MTA3: variants seen among roughly 807,000 people sequenced by gnomAD.
MTA3 encodes metastasis associated 1 family member 3, also known as metastasis-associated protein MTA3.
In MTA3, 34 loss-of-function variants were observed where a neutral mutation model predicts 83.5. The observed-to-expected ratio is 0.41, with a 90% CI of 0.31 to 0.54. The LOEUF is 0.54. Among genes scored for constraint, MTA3 ranks in the 20% least tolerant of loss-of-function variants. The pLI is 0.33. For missense variants in MTA3, 761 were observed against 726.4 expected, an observed-to-expected ratio of 1.05 and a Z score of -0.55; for synonymous variants, 303 against 252.7, an observed-to-expected ratio of 1.20 and a Z score of -1.89.
intron 8 of MTA3, among the ~76,000 whole-genome samples, chr2:42,675,080 A>G (rs1028902585): frequency 6.6e-6 from 1 of 151,890 alleles, no homozygotes; most frequent in Admixed American, 6.6e-5. Context: ...GAGCCAATGT[A>G]CCTGGCCAAC....
At chr2:42,591,444 T>C (rs1680979357) in intron 3 of MTA3, among the ~76,000 whole-genome samples, 1 of 152,170 alleles carries the variant, frequency 6.6e-6, no homozygotes, top group Non-Finnish European at 1.5e-5. Context: ...TAGGCAACAC[T>C]AAATTTATGG....
Position 42,659,804 on chromosome 2 carries a change from C to A in MTA3, c.644C>A (p.Ser215Tyr). 6.2e-7 allele frequency: 1 copy of A among 1,608,992 alleles called. No individual in the cohort carries two copies. The highest frequency in any genetic ancestry group is 1.1e-5 in the South Asian group (1 of 90,044). The change falls in exon 8 of 17, where the codon TCT (serine) becomes TAT (tyrosine). Residue 215 changes from serine (S) to tyrosine (Y), a missense_variant. Physicochemically the swap from Ser to Tyr is moderately radical, Grantham distance 144. Transcript: ENST00000405094. ...GCCAGAGCCCTGGATTGCAGCAGTT[C>A]TGTGAGGCAGCCTAGTTTGCATATG... Reference protein sequence around the residue: ...TFARALDCSSSVRQPSLHMSA... With the variant: ...TFARALDCSSYVRQPSLHMSA...
At chr2:42,548,372 A>G (rs1676857650) in intron 2 of MTA3, among the ~76,000 whole-genome samples, 1 of 151,974 alleles carries the variant, frequency 6.6e-6, no homozygotes, top group African/African-American at 2.4e-5. Context: ...AGGCTGAGGC[A>G]CAAGAATTGC....
intron 14 of MTA3, among the ~76,000 whole-genome samples, chr2:42,716,241 C>G (rs1426170465): frequency 6.6e-6 from 1 of 152,148 alleles, no homozygotes; most frequent in East Asian, 1.9e-4. Context: ...AATAATTAGC[C>G]AATATCTGGG....
At chr2:42,589,959 T>G (rs1201826160) in intron 3 of MTA3, among the ~76,000 whole-genome samples, 1 of 152,214 alleles carries the variant, frequency 6.6e-6, no homozygotes, top group Non-Finnish European at 1.5e-5. Context: ...GATGCCTGTA[T>G]ATAAGACAAG....
At chr2:42,616,797 G>A (rs1344273646) in intron 4 of MTA3, among the ~76,000 whole-genome samples, 1 of 151,506 alleles carries the variant, frequency 6.6e-6, no homozygotes, top group African/African-American at 2.4e-5. Context: ...CAGGCTGTTC[G>A]CAAACGATCG....
intron 4 of MTA3, among the ~76,000 whole-genome samples, chr2:42,622,368 T>A (rs1372992499): frequency 1.4e-5 from 2 of 144,096 alleles, no homozygotes; most frequent in Non-Finnish European, 3.0e-5. Flanking sequence ...ACCGTCCAGC[T>A]TCGGCTCGGC....
chr2:42,513,809 A>T (rs938409436), intron 2 of MTA3, among the ~76,000 whole-genome samples: 1 of 152,232 alleles, frequency 6.6e-6, no homozygotes, highest in Non-Finnish European at 1.5e-5. Flanking sequence ...CTGAGGGGCA[A>T]ACGGGCTTAC....
intron 8 of MTA3, among the ~76,000 whole-genome samples, chr2:42,676,849 G>A (rs922616927): frequency 3.3e-5 from 5 of 152,076 alleles, no homozygotes; most frequent in South Asian, 2.1e-4. Context: ...TTCATTTATT[G>A]TAAATTTAGA....
chr2:42,514,476 A>G (rs1675043901), intron 2 of MTA3, among the ~76,000 whole-genome samples: 1 of 151,978 alleles, frequency 6.6e-6, no homozygotes, highest in African/African-American at 2.4e-5. Flanking sequence ...CTCCACCTCC[A>G]GGATTCAAGC....
At chr2:42,601,072 A>C (rs1682511425) in intron 3 of MTA3, among the ~76,000 whole-genome samples, 1 of 151,656 alleles carries the variant, frequency 6.6e-6, no homozygotes, top group African/African-American at 2.4e-5. Context: ...ACGTCCGGCT[A>C]ATTTTTGTAT....
At chr2:42,722,371 A>G (rs1389619584) in intron 15 of MTA3, among the ~76,000 whole-genome samples, 1 of 152,158 alleles carries the variant, frequency 6.6e-6, no homozygotes, top group Admixed American at 6.5e-5. Flanking sequence ...TTCAGGTTTC[A>G]TCTATATCAA....
intron 4 of MTA3, 117 bp downstream of exon 4, chr2:42,609,701 G>A (rs1683947430): frequency 2.6e-6 from 3 of 1,162,488 alleles, no homozygotes; most frequent in Admixed American, 5.0e-5. Context: ...TTTGCTAAAG[G>A]CTTCATAATG....
At chr2:42,706,857 A>G (rs1166980867) in intron 12 of MTA3, among the ~76,000 whole-genome samples, 1 of 152,136 alleles carries the variant, frequency 6.6e-6, no homozygotes. Flanking sequence ...CTTGAAAGGG[A>G]TTCTGTCTGT....
At chr2:42,686,235 A>G (rs183091209) in intron 9 of MTA3, among the ~76,000 whole-genome samples, 20 of 152,352 alleles carry the variant, frequency 1.3e-4, no homozygotes, top group African/African-American at 4.6e-4. Flanking sequence ...TAGAAGGCAC[A>G]TATTTGGGTA....
intron 4 of MTA3, among the ~76,000 whole-genome samples, chr2:42,610,248 C>G (rs1226681435): frequency 1.3e-5 from 2 of 152,122 alleles, no homozygotes; most frequent in Non-Finnish European, 2.9e-5. Context: ...AATTATATAG[C>G]CATTAGAAGC....
Position 42,682,436 on chromosome 2 carries a change from T to C in MTA3, c.738T>C (p.Tyr246=), listed in dbSNP as rs1197865081. The change falls in exon 9 of 17, where the codon TAT becomes TAC. Residue 246 remains tyrosine (Y), a synonymous_variant. Transcript: ENST00000405094. ...HAMDTLYRHS[Y]DLSSAISVLV... ...TGGATACATTGTATAGACACAGCTA[T>C]GATTTGAGCAGTGCCATTAGTGTCT... 1.9e-6 allele frequency: 3 copies of C among 1,611,118 alleles called. No homozygotes were observed. Among genetic ancestry groups the C allele is most frequent in the Non-Finnish European group, 2.5e-6 (3 of 1,178,500 alleles).
At chr2:42,502,260 T>C (rs1032140062) in intron 2 of MTA3, among the ~76,000 whole-genome samples, 2 of 152,118 alleles carry the variant, frequency 1.3e-5, no homozygotes, top group African/African-American at 4.8e-5. Flanking sequence ...AAAAGAACGT[T>C]GGCTCTGGCC....
chr2:42,600,283 A>G (rs1315094494), intron 3 of MTA3, among the ~76,000 whole-genome samples: 1 of 152,128 alleles, frequency 6.6e-6, no homozygotes, highest in Non-Finnish European at 1.5e-5. Context: ...GGGCAACAGG[A>G]TTAGAAGAAA....
Sources: gnomAD v4.1 joint callset for allele counts (sites outside exome capture counted in the v4.1 genomes callset) on GRCh38, gnomAD v4.1.1 for gene constraint, MANE v1.5 for transcripts, NCBI Gene and HGNC (gene_info 2026-07-23, HGNC 2026-07-21) for gene names.